The following ZNF385D variants were observed in gnomAD, a reference collection of about 807,000 sequenced individuals.
ZNF385D encodes the protein zinc finger protein 385D.
ZNF385D carries 15 observed loss-of-function variants against 35.8 expected under a neutral mutation model. The ratio of observed to expected loss-of-function variants is 0.42; its 90% confidence interval spans 0.28 to 0.64. The LOEUF (loss-of-function observed/expected upper bound fraction) is 0.64, where lower values mean the gene tolerates loss of function less well. Among genes scored for constraint, ZNF385D ranks in the 30% least tolerant of loss-of-function variants. The probability of loss-of-function intolerance (pLI) is 0.23; values close to 1 mark genes in which losing one functional copy is unlikely to be tolerated. For missense variants in ZNF385D, 474 were observed against 494.6 expected, an observed-to-expected ratio of 0.96 and a Z score of 0.39; for synonymous variants, 212 against 186.8, an observed-to-expected ratio of 1.13 and a Z score of -1.10.
chr3:21,703,121 C>A (rs1351275406), intron 1 of ZNF385D, among the ~76,000 whole-genome samples: 1 of 152,070 alleles, frequency 6.6e-6, no homozygotes, highest in East Asian at 1.9e-4. Flanking sequence ...AAAGACATAC[C>A]AGAGACCAGG....
At chr3:21,474,972 AT>A (rs528696579) in intron 4 of ZNF385D, among the ~76,000 whole-genome samples, 29 of 151,938 alleles carry the variant, frequency 1.9e-4, no homozygotes, top group African/African-American at 4.8e-4. Context: ...TAAGAATATA[AT>A]TTTTTTTGTT....
At chr3:21,454,703 A>T (rs1359587914) in intron 4 of ZNF385D, among the ~76,000 whole-genome samples, 1 of 151,904 alleles carries the variant, frequency 6.6e-6, no homozygotes, top group Admixed American at 6.6e-5. Context: ...CTCTCTCACC[A>T]CTCCTATTCA....
intron 3 of ZNF385D, among the ~76,000 whole-genome samples, chr3:21,902,869 C>T (rs1348466594): frequency 1.3e-5 from 2 of 152,038 alleles, no homozygotes; most frequent in Non-Finnish European, 2.9e-5. Context: ...ACTGATAATA[C>T]ACCCCTTTAG....
chr3:21,581,496 C>G (rs557757262), intron 2 of ZNF385D, among the ~76,000 whole-genome samples: 1 of 152,224 alleles, frequency 6.6e-6, no homozygotes, highest in Admixed American at 6.5e-5. Flanking sequence ...TTGTATTTAT[C>G]TTAAAACAAG....
At chr3:22,142,422 A>G (rs1466477618) in intron 3 of ZNF385D, among the ~76,000 whole-genome samples, 1 of 152,216 alleles carries the variant, frequency 6.6e-6, no homozygotes, top group East Asian at 1.9e-4. Context: ...ACGTATAATA[A>G]AAGTCCAATG....
intron 3 of ZNF385D, among the ~76,000 whole-genome samples, chr3:22,124,411 A>T (rs1703305694): frequency 6.6e-6 from 1 of 152,116 alleles, no homozygotes; most frequent in Non-Finnish European, 1.5e-5. Context: ...TATCTCTTTG[A>T]TATACTGATT....
intron 2 of ZNF385D, among the ~76,000 whole-genome samples, chr3:21,592,572 A>G (rs2064013294): frequency 6.8e-6 from 1 of 146,618 alleles, no homozygotes. Flanking sequence ...ACAAAAAAAA[A>G]AAACAATTAT....
intron 3 of ZNF385D, among the ~76,000 whole-genome samples, chr3:21,985,958 G>C (rs1248737143): frequency 2.5e-5 from 3 of 121,830 alleles, no homozygotes; most frequent in African/African-American, 7.8e-5. Flanking sequence ...TTTGCGTAGA[G>C]GTGTTTGTAG....
rs530890199 is a variant in ZNF385D, at chr3:21,951,516, A to G, written c.325+217301T>C. On this transcript the variant is annotated intron_variant, in intron 3 of 5. Transcript: ENST00000494108. Reference sequence around the variant, plus strand: ...TGCAAACACAGACAATTTGACTTCCATTCTTCCTATTTGAATACCCTTTAT... The same window carrying G: ...TGCAAACACAGACAATTTGACTTCCGTTCTTCCTATTTGAATACCCTTTAT... 2.0e-5 allele frequency among the ~76,000 whole-genome samples: 3 copies of G among 151,648 alleles called. No homozygotes were observed. In the South Asian group the frequency reaches 6.2e-4, roughly 31 times the overall value.
intron 3 of ZNF385D, among the ~76,000 whole-genome samples, chr3:21,852,130 T>C (rs7639051): frequency 0.038 from 5,835 of 152,076 alleles, 390 homozygotes; most frequent in African/African-American, 0.13. Context: ...TGCCAAATAG[T>C]TTTTATGAGC....
At chr3:21,722,225 C>T in intron 1 of ZNF385D, among the ~76,000 whole-genome samples, 1 of 152,140 alleles carries the variant, frequency 6.6e-6, no homozygotes. Context: ...TTCTAACAGA[C>T]CTGCTTTACA....
rs528423231 is a variant in ZNF385D, at chr3:21,937,424, T to C, written c.325+231393A>G. Among the ~76,000 whole-genome samples, 4 of 152,234 alleles carry C rather than the reference T, an allele frequency of 2.6e-5. No individual in the cohort carries two copies. In the South Asian group the frequency reaches 8.3e-4, roughly 32 times the overall value. On this transcript the variant is annotated intron_variant, in intron 3 of 5. Coordinates refer to the ZNF385D transcript ENST00000494108. Reference sequence around the variant, plus strand: ...GTAATTGAGTTCACCTACAGACCTATGTGATATTGTATTAATAATTATTTA... The same window carrying C: ...GTAATTGAGTTCACCTACAGACCTACGTGATATTGTATTAATAATTATTTA...
intron 2 of ZNF385D, among the ~76,000 whole-genome samples, chr3:21,626,119 A>T (rs949164476): frequency 1.3e-5 from 2 of 152,228 alleles, no homozygotes; most frequent in East Asian, 1.9e-4. Context: ...ATTCAACACC[A>T]GGTCTGCCAA....
intron 2 of ZNF385D, among the ~76,000 whole-genome samples, chr3:22,246,928 C>T (rs1491883): frequency 0.043 from 6,439 of 151,128 alleles, 254 homozygotes; most frequent in African/African-American, 0.1. Flanking sequence ...TATTATTGTA[C>T]CTTTTGTCAA....
At chr3:21,962,694 C>A (rs1250879475) in intron 3 of ZNF385D, among the ~76,000 whole-genome samples, 2 of 152,106 alleles carry the variant, frequency 1.3e-5, no homozygotes, top group African/African-American at 4.8e-5. Context: ...GTGTCCAATT[C>A]TCTGTGGAAA....
At chr3:21,505,767 C>A (rs1251426907) in intron 4 of ZNF385D, among the ~76,000 whole-genome samples, 1 of 152,060 alleles carries the variant, frequency 6.6e-6, no homozygotes, top group African/African-American at 2.4e-5. Flanking sequence ...ACTCAAAGGA[C>A]CTAATTGTAA....
chr3:22,303,399 A>C (rs1052043263), intron 2 of ZNF385D, among the ~76,000 whole-genome samples: 1 of 152,114 alleles, frequency 6.6e-6, no homozygotes, highest in African/African-American at 2.4e-5. Context: ...ATGGCCTTTG[A>C]AAGGAAAAGT....
intron 2 of ZNF385D, among the ~76,000 whole-genome samples, chr3:22,274,664 ATTTTTT>A (rs1701337219): frequency 6.6e-6 from 1 of 151,542 alleles, no homozygotes. Context: ...ATTTTAGTAA[ATTTTTT>A]AAAAAAAAGA....
At chr3:21,784,432 T>C (rs1248204496) in intron 3 of ZNF385D, among the ~76,000 whole-genome samples, 1 of 152,132 alleles carries the variant, frequency 6.6e-6, no homozygotes, top group East Asian at 1.9e-4. Context: ...TGTGTTAATA[T>C]ATAGATTTCA....
Sources: allele counts gnomAD v4.1 joint callset (sites outside exome capture counted in the v4.1 genomes callset), GRCh38; gene constraint gnomAD v4.1.1; transcripts MANE v1.5; gene names NCBI Gene and HGNC (gene_info 2026-07-23, HGNC 2026-07-21).